The following PATJ variants were observed in gnomAD, a reference collection of about 807,000 sequenced individuals.
PATJ encodes inaD-like protein.
PATJ carries 190 observed loss-of-function variants against 224.9 expected under a neutral mutation model. The ratio of observed to expected loss-of-function variants is 0.84; its 90% confidence interval spans 0.75 to 0.95. The LOEUF is 0.95. PATJ is among the 40% of genes least tolerant of loss of function. The pLI is 0.00. For synonymous variants in PATJ, 769 were observed against 820.3 expected (o/e 0.94, Z 1.07); for missense variants, 2,121 against 2,270.3 (o/e 0.93, Z 1.34).
intron 16 of PATJ, among the ~76,000 whole-genome samples, chr1:61,828,184 G>A (rs1298606): frequency 2.0e-5 from 3 of 151,340 alleles, no homozygotes; most frequent in Non-Finnish European, 2.9e-5. Flanking sequence ...CGGAGGTTAC[G>A]GTGAGCTGAG....
At chr1:61,755,179 GGTGCCTGTA>G (rs1011979651) in intron 1 of PATJ, among the ~76,000 whole-genome samples, 6 of 151,412 alleles carry the variant, frequency 4.0e-5, no homozygotes, top group African/African-American at 1.5e-4. Context: ...CGTAGTGGCG[GGTGCCTGTA>G]GTCCCAGCTA....
At position 62,070,637 on chromosome 1, in the gene PATJ, A is replaced by G. The variant is rs895921164; in HGVS notation, c.4126-8813A>G. Among the ~76,000 whole-genome samples the G allele has an allele frequency of 2.6e-5, 4 of 152,346 alleles. No homozygotes were observed. The East Asian group carries it at 7.7e-4, about 29-fold the overall frequency. On this transcript the variant is annotated intron_variant, in intron 31 of 43. Coordinates refer to ENST00000642238, the MANE Select transcript of PATJ (RefSeq NM_001350145.3). Reference sequence around the variant, plus strand: ...GGGCTAAGGGAAGAATTACAAGAGGAGGTAATTTTTTTAGTTCATTTTATA... The same window carrying G: ...GGGCTAAGGGAAGAATTACAAGAGGGGGTAATTTTTTTAGTTCATTTTATA...
At chr1:61,881,813 T>A (rs908892278) in intron 21 of PATJ, among the ~76,000 whole-genome samples, 4 of 152,196 alleles carry the variant, frequency 2.6e-5, no homozygotes, top group African/African-American at 9.6e-5. Context: ...TCACTGAAGA[T>A]GTTTAATCAG....
chr1:62,089,648 C>T (rs1660467728), intron 33 of PATJ, among the ~76,000 whole-genome samples: 1 of 152,028 alleles, frequency 6.6e-6, no homozygotes, highest in African/African-American at 2.4e-5. Flanking sequence ...TATTATTTAC[C>T]ACAATGCAAA....
intron 32 of PATJ, among the ~76,000 whole-genome samples, chr1:62,080,292 A>T (rs1319331194): frequency 1.3e-5 from 2 of 152,092 alleles, no homozygotes; most frequent in African/African-American, 4.8e-5. Context: ...TGGGGGTTGA[A>T]AATAGAACTT....
At chr1:62,012,059 G>A (rs116526990) in intron 28 of PATJ, among the ~76,000 whole-genome samples, 1,640 of 151,512 alleles carry the variant, frequency 0.011, 14 homozygotes, top group Middle Eastern at 0.042. Flanking sequence ...ACAAAATATA[G>A]CTTAAAAGTC....
At chr1:62,127,898 G>C in intron 39 of PATJ, 74 bp from the exon 40 acceptor site, 1 of 1,507,790 alleles carries the variant, frequency 6.6e-7, no homozygotes, top group Non-Finnish European at 9.1e-7. Flanking sequence ...TGTTCCAACA[G>C]CTATCTATCT....
chr1:61,807,331 C>T (rs1455773880), intron 13 of PATJ, among the ~76,000 whole-genome samples: 1 of 151,978 alleles, frequency 6.6e-6, no homozygotes, highest in Non-Finnish European at 1.5e-5. Context: ...CATGAGCCAC[C>T]ACGCTCGCTT....
intron 14 of PATJ, among the ~76,000 whole-genome samples, chr1:61,813,367 A>ATC: frequency 4.3e-5 from 2 of 46,004 alleles, no homozygotes; most frequent in East Asian, 7.6e-4. Flanking sequence ...ATATATATAT[A>ATC]TATATATATA....
At chr1:61,907,525 C>T (rs1322120668) in intron 24 of PATJ, among the ~76,000 whole-genome samples, 6 of 152,126 alleles carry the variant, frequency 3.9e-5, no homozygotes, top group African/African-American at 1.4e-4. Context: ...TCTCCTTTAT[C>T]ATCCATTTTT....
At chr1:61,912,591 ACT>A (rs906947765) in intron 25 of PATJ, among the ~76,000 whole-genome samples, 13 of 149,122 alleles carry the variant, frequency 8.7e-5, no homozygotes, top group African/African-American at 3.2e-4. Context: ...ACAGAGTGAG[ACT>A]CTGTCTCAAC....
At chr1:62,155,360 G>A (rs1175290697) in intron 43 of PATJ, among the ~76,000 whole-genome samples, 1 of 152,142 alleles carries the variant, frequency 6.6e-6, no homozygotes, top group Admixed American at 6.5e-5. Flanking sequence ...TGGTGGGCTG[G>A]GACCCAGACA....
intron 7 of PATJ, among the ~76,000 whole-genome samples, chr1:61,784,150 A>C (rs1647997687): frequency 6.6e-6 from 1 of 152,150 alleles, no homozygotes; most frequent in Admixed American, 6.5e-5. Flanking sequence ...CAATATGCAT[A>C]ATTTTTTTCT....
intron 22 of PATJ, among the ~76,000 whole-genome samples, chr1:61,886,249 C>G (rs1180481034): frequency 6.6e-6 from 1 of 151,488 alleles, no homozygotes; most frequent in Non-Finnish European, 1.5e-5. Flanking sequence ...AAGGAGTGAG[C>G]TGGAATGAAC....
At chr1:61,973,420 A>G (rs970754166) in intron 27 of PATJ, among the ~76,000 whole-genome samples, 1 of 152,104 alleles carries the variant, frequency 6.6e-6, no homozygotes, top group African/African-American at 2.4e-5. Context: ...GTTCCACGCT[A>G]TCAGTCACTA....
intron 29 of PATJ, among the ~76,000 whole-genome samples, chr1:62,020,853 T>G (rs932243973): frequency 1.3e-5 from 2 of 152,006 alleles, no homozygotes; most frequent in Admixed American, 6.6e-5. Flanking sequence ...TGAGACAGAG[T>G]CTTGCTCTGT....
intron 18 of PATJ, among the ~76,000 whole-genome samples, chr1:61,856,485 T>G (rs1337693945): frequency 2.6e-5 from 4 of 152,238 alleles, no homozygotes; most frequent in Non-Finnish European, 4.4e-5. Flanking sequence ...AAATACTAGC[T>G]GCTAATGTTG....
intron 27 of PATJ, among the ~76,000 whole-genome samples, chr1:61,974,704 A>G (rs1229147057): frequency 6.6e-6 from 1 of 151,988 alleles, no homozygotes; most frequent in Admixed American, 6.6e-5. Context: ...ACAAAAAGTC[A>G]CTTTCTTTAT....
intron 27 of PATJ, chr1:61,952,483 C>T (rs1219747136): frequency 1.4e-6 from 1 of 714,066 alleles, no homozygotes; most frequent in Non-Finnish European, 2.6e-6. Flanking sequence ...AGTGTTGGTG[C>T]AGAATGTGGT....
Sources: allele counts gnomAD v4.1 joint callset (sites outside exome capture counted in the v4.1 genomes callset), GRCh38; gene constraint gnomAD v4.1.1; transcripts MANE v1.5; gene names NCBI Gene and HGNC (gene_info 2026-07-23, HGNC 2026-07-21).